Variants in EML4 observed in about 807,000 individuals in gnomAD.
The protein encoded by EML4 is echinoderm microtubule-associated protein-like 4.
Under a neutral mutation model 129.0 loss-of-function variants are expected in EML4, and 72 were observed. That is an observed-to-expected ratio of 0.56 (90% CI 0.46 to 0.68). The LOEUF (loss-of-function observed/expected upper bound fraction) is 0.68, where lower values mean the gene tolerates loss of function less well. Ranked by LOEUF, EML4 falls within the 30% of genes least tolerant of loss-of-function variation. The pLI, the probability that EML4 is intolerant of heterozygous loss-of-function variation, is 0.00. For missense variants in EML4, 1,363 were observed against 1,190.6 expected (o/e 1.14, Z -2.13); for synonymous variants, 532 against 405.0 (o/e 1.31, Z -3.77).
At chr2:42,239,679 A>G (rs1463381876) in intron 1 of EML4, among the ~76,000 whole-genome samples, 1 of 147,306 alleles carries the variant, frequency 6.8e-6, no homozygotes, top group Non-Finnish European at 1.5e-5. Flanking sequence ...AGGGGCAACA[A>G]TTTTTAAAAA....
At chr2:42,308,658 A>T (rs978777398) in intron 17 of EML4, among the ~76,000 whole-genome samples, 2 of 152,342 alleles carry the variant, frequency 1.3e-5, no homozygotes, top group East Asian at 1.9e-4. Context: ...TCACAGGGTT[A>T]TGCAGCTATC....
At chr2:42,296,527 A>G (rs1010577555) in intron 13 of EML4, among the ~76,000 whole-genome samples, 1 of 151,760 alleles carries the variant, frequency 6.6e-6, no homozygotes, top group Non-Finnish European at 1.5e-5. Flanking sequence ...CATGAAAATC[A>G]CCCTAAGTGA....
At chr2:42,286,516 T>G in intron 10 of EML4, 137 bp downstream of exon 10, 1 of 631,912 alleles carries the variant, frequency 1.6e-6, no homozygotes, top group Non-Finnish European at 2.8e-6. Flanking sequence ...GCTAACATAT[T>G]AGCTATTGCT....
At chr2:42,329,040 A>T (rs371834510) in intron 22 of EML4, 24 bp downstream of exon 22, 1 of 1,603,570 alleles carries the variant, frequency 6.2e-7, no homozygotes, top group Non-Finnish European at 8.5e-7. Flanking sequence ...AATAGAAACT[A>T]ATGTTATAAG....
At chr2:42,191,464 T>A (rs1671576110) in intron 1 of EML4, among the ~76,000 whole-genome samples, 1 of 152,128 alleles carries the variant, frequency 6.6e-6, no homozygotes, top group Non-Finnish European at 1.5e-5. Context: ...ATCCCCCTGT[T>A]AATCATTATG....
In EML4 at chr2:42,286,336, G is replaced by A. The variant is rs1310944489; in HGVS notation, c.1079G>A (p.Gly360Asp). 1 of 1,613,788 alleles carries A rather than the reference G, an allele frequency of 6.2e-7. No homozygotes were observed. Among genetic ancestry groups the A allele is most frequent in the Non-Finnish European group, 8.5e-7 (1 of 1,179,800 alleles). Reference sequence around the variant, plus strand: ...TCCACACTGCAGATTATTGGACTTGGCACTTTTGAGCGTGGAGTAGGATGC... The same window carrying A: ...TCCACACTGCAGATTATTGGACTTGACACTTTTGAGCGTGGAGTAGGATGC... ...TLSTLQIIGLGTFERGVGCLD... is the reference protein window; with the variant it reads ...TLSTLQIIGLDTFERGVGCLD... The change falls in exon 10 of 23, where the codon GGC becomes GAC. Residue 360 changes from glycine (G) to aspartate (D), a missense_variant. Transcript: ENST00000318522.
intron 6 of EML4, 72 bp from the exon 7 acceptor site, chr2:42,280,778 C>T (rs1046692428): frequency 9.1e-5 from 107 of 1,177,912 alleles, no homozygotes; most frequent in Non-Finnish European, 1.2e-4. Context: ...TATTGTATCA[C>T]GTTAATAATC....
chr2:42,262,253 C>T (rs565773022), intron 4 of EML4, among the ~76,000 whole-genome samples: 1 of 152,278 alleles, frequency 6.6e-6, no homozygotes, highest in Non-Finnish European at 1.5e-5. Flanking sequence ...TTGATCGATG[C>T]ATGTTTACCA....
intron 5 of EML4, among the ~76,000 whole-genome samples, chr2:42,264,058 A>G (rs914445750): frequency 6.6e-6 from 1 of 151,142 alleles, no homozygotes; most frequent in Admixed American, 6.6e-5. Context: ...GTCTTCTACA[A>G]AAAGTTGTAT....
intron 2 of EML4, among the ~76,000 whole-genome samples, chr2:42,247,248 C>G (rs901845498): frequency 6.6e-6 from 1 of 151,908 alleles, no homozygotes; most frequent in Non-Finnish European, 1.5e-5. Flanking sequence ...GCCCTGATAA[C>G]TGTGAATATA....
chr2:42,261,039 ATATAATAATCAC>A (rs1278698035), intron 3 of EML4, 70 bp from the exon 4 acceptor site: 6 of 1,062,128 alleles, frequency 5.6e-6, no homozygotes, highest in Non-Finnish European at 6.8e-6. Flanking sequence ...GTTTTGAATT[ATATAATAATCAC>A]TTTTCTATCG....
chr2:42,231,633 G>A (rs753179008), intron 1 of EML4, among the ~76,000 whole-genome samples: 15 of 152,022 alleles, frequency 9.9e-5, no homozygotes, highest in African/African-American at 3.6e-4. Context: ...CATCAATTCT[G>A]TCTTGAGTAT....
intron 1 of EML4, among the ~76,000 whole-genome samples, chr2:42,209,112 A>C (rs1294646159): frequency 1.3e-5 from 2 of 152,204 alleles, no homozygotes. Flanking sequence ...TAAAGGAATG[A>C]GAAATTACAG....
intron 6 of EML4, among the ~76,000 whole-genome samples, chr2:42,268,877 T>C (rs2104416947): frequency 6.6e-6 from 1 of 152,338 alleles, no homozygotes; most frequent in Middle Eastern, 3.4e-3. Context: ...AAACTAGGCC[T>C]GTTTAGATTT....
At chr2:42,210,652 T>C (rs920432027) in intron 1 of EML4, among the ~76,000 whole-genome samples, 2 of 152,178 alleles carry the variant, frequency 1.3e-5, no homozygotes, top group African/African-American at 2.4e-5. Flanking sequence ...TTTCAGTCAT[T>C]TATTTATTTC....
intron 7 of EML4, among the ~76,000 whole-genome samples, chr2:42,282,251 A>G (rs1003138021): frequency 6.6e-6 from 1 of 151,992 alleles, no homozygotes; most frequent in Non-Finnish European, 1.5e-5. Flanking sequence ...TCAGAACTGA[A>G]TGTTCACCAT....
intron 1 of EML4, among the ~76,000 whole-genome samples, chr2:42,233,429 C>G (rs554660398): frequency 6.6e-6 from 1 of 151,820 alleles, no homozygotes; most frequent in Admixed American, 6.6e-5. Flanking sequence ...CCTCAGCCTC[C>G]CCAGTAGCTG....
chr2:42,331,216 TA>T lies in EML4; in HGVS notation c.*1010del, dbSNP rs1298395022. 1 of 219,890 alleles carries T rather than the reference TA, an allele frequency of 4.5e-6. No individual in the cohort carries two copies. The highest frequency in any genetic ancestry group is 9.1e-6 in the Non-Finnish European group (1 of 109,490). The allele number at this position is 219,890 out of a possible 1,614,324, so 13.6% of individuals were successfully genotyped here. On this transcript the variant is annotated 3_prime_UTR_variant, in exon 23 of 23. Transcript: ENST00000318522. ...TATACAGATTATATGAGGGATAAGA[TA>T]CTCATCAAATTGCAAATTCTTTTTT...
At chr2:42,289,964 G>A (rs984976294) in intron 11 of EML4, 1 of 148,540 alleles carries the variant, frequency 6.7e-6, no homozygotes, top group East Asian at 2.0e-4. Context: ...GCAGTTGCTT[G>A]TAACCCCAGC....
Sources: allele counts gnomAD v4.1 joint callset (sites outside exome capture counted in the v4.1 genomes callset), GRCh38; gene constraint gnomAD v4.1.1; transcripts MANE v1.5; gene names NCBI Gene and HGNC (gene_info 2026-07-23, HGNC 2026-07-21).